The following BTD variants were observed in gnomAD, a reference collection of about 807,000 sequenced individuals.
BTD encodes the protein biotinidase.
A neutral mutation model predicts 17.7 loss-of-function variants in BTD; 13 were observed. That is an observed-to-expected ratio of 0.74 (90% confidence interval 0.48 to 1.17). BTD has a LOEUF of 1.17. BTD is among the 50% of genes most tolerant of loss of function. BTD has a pLI of 0.00. For missense variants in BTD, 674 were observed against 650.4 expected, an observed-to-expected ratio of 1.04 and a Z score of -0.39; for synonymous variants, 240 against 245.2, an observed-to-expected ratio of 0.98 and a Z score of 0.20.
intron 3 of BTD, among the ~76,000 whole-genome samples, chr3:15,671,496 T>C (rs906255381): frequency 6.6e-6 from 1 of 152,162 alleles, no homozygotes; most frequent in African/African-American, 2.4e-5. Context: ...GTTACACCTT[T>C]CTTCTTCCAC....
intron 3 of BTD, among the ~76,000 whole-genome samples, chr3:15,643,390 A>T (rs990791504): frequency 2.6e-5 from 4 of 152,066 alleles, no homozygotes; most frequent in African/African-American, 9.7e-5. Context: ...AGTCCCAGCC[A>T]CTCAGAAGGC....
At chr3:15,689,625 G>A (rs1474352702) in intron 3 of BTD, among the ~76,000 whole-genome samples, 1 of 152,168 alleles carries the variant, frequency 6.6e-6, no homozygotes, top group Non-Finnish European at 1.5e-5. Context: ...TGGAGCATGA[G>A]GGAGGTTTTA....
intron 3 of BTD, among the ~76,000 whole-genome samples, chr3:15,692,839 T>A (rs1307563780): frequency 6.6e-6 from 1 of 152,230 alleles, no homozygotes; most frequent in African/African-American, 2.4e-5. Context: ...TTATTCATAA[T>A]AGCCAAGAGA....
intron 1 of BTD, among the ~76,000 whole-genome samples, chr3:15,631,079 T>G (rs2125435320): frequency 6.6e-6 from 1 of 152,340 alleles, no homozygotes; most frequent in South Asian, 2.1e-4. Context: ...GTAAAAGAAT[T>G]TAGACAATGA....
chr3:15,666,170 A>G (rs2065985531), intron 3 of BTD, among the ~76,000 whole-genome samples: 1 of 152,232 alleles, frequency 6.6e-6, no homozygotes. Context: ...TGTTGCAGTC[A>G]GATTTACATG....
rs747489101 is a variant in BTD at position 15,635,579 on chromosome 3, C to G, written c.140C>G (p.Ser47Cys). The change falls in exon 2 of 4, where the codon TCC (serine) becomes TGC (cysteine). Residue 47 changes from serine to cysteine, a missense_variant. Physicochemically the swap from Ser to Cys is moderately radical, Grantham distance 112. Coordinates refer to ENST00000643237, the MANE Select transcript of BTD (RefSeq NM_001370658.1). The surrounding 1 kb of genome is among the most constrained non-coding windows in gnomAD (Gnocchi z 4.1). ...GTGGCTGCCGTGTATGAGCATCCAT[C>G]CATCCTGAGTCTGAACCCTCTGGCT... is the stretch of plus-strand genomic sequence containing the variant. ...YYVAAVYEHPSILSLNPLALI... is the reference protein window; with the variant it reads ...YYVAAVYEHPCILSLNPLALI... The G allele has an allele frequency of 3.7e-6, 6 of 1,614,084 alleles. No individual in the cohort carries two copies. The highest frequency in any genetic ancestry group is 5.1e-6 in the Non-Finnish European group (6 of 1,180,056).
intron 2 of BTD, among the ~76,000 whole-genome samples, chr3:15,637,714 G>T (rs975078064): frequency 2.6e-5 from 4 of 152,190 alleles, no homozygotes; most frequent in Non-Finnish European, 2.9e-5. Context: ...TGCCTGCATG[G>T]CACTGAGTCC....
At chr3:15,656,546 C>T (rs541201439), downstream of BTD, among the ~76,000 whole-genome samples, 13 of 152,336 alleles carry the variant, frequency 8.5e-5, no homozygotes, top group South Asian at 8.3e-4. Context: ...TGGCACCCTT[C>T]TGCAGAAGTA....
At chr3:15,674,928 T>C (rs2066777572) in intron 3 of BTD, among the ~76,000 whole-genome samples, 1 of 151,938 alleles carries the variant, frequency 6.6e-6, no homozygotes, top group South Asian at 2.1e-4. Flanking sequence ...TTTTGCTATG[T>C]GTAGGGGTGA....
In BTD at chr3:15,603,513, C is replaced by A. The variant is rs544478798; in HGVS notation, c.-17+1619C>A. On this transcript the variant is annotated intron_variant, in intron 1 of 3. Coordinates refer to ENST00000643237, the MANE Select transcript of BTD (RefSeq NM_001370658.1). ...TCTACTAAAAATACAAAAAATTAGG[C>A]GGGCATGGTGGCAGGCGCCTGTAAT... 3.3e-5 allele frequency among the ~76,000 whole-genome samples: 5 copies of A among 152,012 alleles called. No homozygotes were observed. In the East Asian group the frequency reaches 9.7e-4, roughly 29 times the overall value.
At chr3:15,685,489 A>C in intron 3 of BTD, 1 of 1,574,416 alleles carries the variant, frequency 6.4e-7, no homozygotes, top group South Asian at 1.1e-5. Context: ...ATTATGCTAA[A>C]CATTACATGC....
rs1312242756 is a variant in BTD at position 15,649,235 on chromosome 3, G to T, written c.*3747G>T. On this transcript the variant is annotated 3_prime_UTR_variant, in exon 4 of 4. Coordinates refer to ENST00000643237, the MANE Select transcript of BTD (RefSeq NM_001370658.1). ...CTTGGGTCTTTCCATAGGGATAGCT[G>T]AGTGTCCTCATGATGTGGCCCCTGG... Among the ~76,000 whole-genome samples the T allele has an allele frequency of 6.6e-6, 1 of 152,214 alleles. No homozygotes were observed. The highest frequency in any genetic ancestry group is 1.5e-5 in the Non-Finnish European group (1 of 68,042).
chr3:15,632,224 C>T (rs1363986226), intron 1 of BTD, among the ~76,000 whole-genome samples: 3 of 152,188 alleles, frequency 2.0e-5, no homozygotes, highest in Non-Finnish European at 4.4e-5. Context: ...CCTTCACTGC[C>T]TCATTTCTCC....
chr3:15,642,164 T>G, intron 3 of BTD, 107 bp downstream of exon 3: 1 of 1,539,400 alleles, frequency 6.5e-7, no homozygotes, highest in East Asian at 2.4e-5. Context: ...GACCTTAACA[T>G]CCCCAAAATC....
chr3:15,645,836 GTTT>G lies in BTD; in HGVS notation c.*363_*365del, dbSNP rs1199838348. ...CACATCCACAAAGCAGTGGCTTGGG[GTTT>G]TTTTTTTTTTTTTTATCTTGTTGAT... On this transcript the variant is annotated 3_prime_UTR_variant, in exon 4 of 4. Transcript: ENST00000643237. 51 of 151,330 alleles carry G rather than the reference GTTT, an allele frequency of 3.4e-4. No individual in the cohort carries two copies. Among genetic ancestry groups the G allele is most frequent in the South Asian group, 1.4e-3 (8 of 5,664 alleles). The allele number at this position is 151,330 out of a possible 1,614,324, so 9.4% of individuals were successfully genotyped here. A position where few individuals can be genotyped will look rare whatever the true frequency, so the allele number is the denominator to read the frequency against.
exon 4 of BTD, chr3:15,712,298 G>T: frequency 8.5e-7 from 1 of 1,182,496 alleles, no homozygotes; most frequent in South Asian, 1.4e-5. Flanking sequence ...ATTACAAAGA[G>T]ACCACTTAAG....
chr3:15,712,471 C>G (rs2072438711), exon 4 of BTD, among the ~76,000 whole-genome samples: 2 of 152,172 alleles, frequency 1.3e-5, no homozygotes, highest in South Asian at 4.1e-4. Context: ...ACGTGAGAAG[C>G]CATTCTGTGC....
rs1024150961 is a variant in BTD, at chr3:15,651,869, T to G, written c.*6381T>G. On this transcript the variant is annotated 3_prime_UTR_variant, in exon 4 of 4. Coordinates refer to ENST00000643237, the MANE Select transcript of BTD (RefSeq NM_001370658.1). ...TAGAGGAGTTAGGGGAGAGAGAAGC[T>G]TCTTAATGAAAATAACCTTGGTAGC... 3.3e-5 allele frequency among the ~76,000 whole-genome samples: 5 copies of G among 152,190 alleles called. No homozygotes were observed. Among genetic ancestry groups the G allele is most frequent in the African/African-American group, 1.2e-4 (5 of 41,444 alleles).
At chr3:15,677,538 G>A (rs1251548027) in intron 3 of BTD, 1 of 1,612,614 alleles carries the variant, frequency 6.2e-7, no homozygotes, top group Non-Finnish European at 8.5e-7. Flanking sequence ...AGTCAGTTCT[G>A]CACTAGCACT....
Sources: allele counts gnomAD v4.1 joint callset (sites outside exome capture counted in the v4.1 genomes callset), GRCh38; gene constraint gnomAD v4.1.1; non-coding constraint Gnocchi (gnomAD v3.1); transcripts MANE v1.5; gene names NCBI Gene and HGNC (gene_info 2026-07-23, HGNC 2026-07-21).